The following KIF21A variants were observed in gnomAD, a reference collection of about 807,000 sequenced individuals.
KIF21A encodes kinesin family member 21A.
Under a neutral mutation model 202.9 loss-of-function variants are expected in KIF21A, and 114 were observed. That is an observed-to-expected ratio of 0.56 (90% CI 0.48 to 0.66). The LOEUF is 0.66. Among genes scored for constraint, KIF21A ranks in the 30% least tolerant of loss-of-function variants. The pLI is 0.00. For missense variants in KIF21A, 1,677 were observed against 1,994.9 expected (o/e 0.84, Z 3.04); for synonymous variants, 667 against 670.8 (o/e 0.99, Z 0.09).
intron 37 of KIF21A, among the ~76,000 whole-genome samples, chr12:39,296,731 G>A (rs1344490825): frequency 6.6e-6 from 1 of 152,198 alleles, no homozygotes; most frequent in East Asian, 1.9e-4. Flanking sequence ...TCAAGGACCA[G>A]CAAAGAGGTT....
Position 39,303,091 on chromosome 12 carries a change from G to A in KIF21A, c.4605C>T (p.Thr1535=). The change falls in exon 36 of 38, where the codon ACC becomes ACT. Residue 1535 remains threonine, a synonymous_variant. Coordinates refer to ENST00000361418, the MANE Select transcript of KIF21A (RefSeq NM_001173464.2). ...TEGALGTVSP[T]HNFEPPHYDG... is the part of the protein sequence containing the mutation. ...CATAATGAGGGGGTTCAAAATTGTG[G>A]GTGGGACTCACAGTCCCAAGAGCTC... 1.2e-6 allele frequency: 2 copies of A among 1,613,744 alleles called. No individual in the cohort carries two copies. The highest frequency in any genetic ancestry group is 1.7e-6 in the Non-Finnish European group (2 of 1,179,746).
chr12:39,311,395 T>C (rs751379233), intron 32 of KIF21A, 22 bp downstream of exon 32: 2 of 1,605,978 alleles, frequency 1.2e-6, no homozygotes, highest in South Asian at 2.2e-5. Context: ...ATTAAATATC[T>C]GCATTAGATA....
At chr12:39,400,465 T>G (rs1592556500) in intron 1 of KIF21A, among the ~76,000 whole-genome samples, 1 of 151,942 alleles carries the variant, frequency 6.6e-6, no homozygotes, top group East Asian at 1.9e-4. Context: ...CAGGCCCCAG[T>G]GTGTGTTGTT....
intron 35 of KIF21A, among the ~76,000 whole-genome samples, chr12:39,303,868 T>A (rs1304913240): frequency 1.3e-5 from 2 of 152,198 alleles, no homozygotes; most frequent in Non-Finnish European, 2.9e-5. Context: ...AAGGCTAGTG[T>A]CATAAAAAAT....
chr12:39,395,229 T>C (rs1248382399), intron 1 of KIF21A, among the ~76,000 whole-genome samples: 3 of 152,222 alleles, frequency 2.0e-5, no homozygotes, highest in Non-Finnish European at 2.9e-5. Context: ...AATTTTCCTA[T>C]TTAAATCTCT....
At chr12:39,405,571 A>G (rs1315839804) in intron 1 of KIF21A, among the ~76,000 whole-genome samples, 1 of 152,180 alleles carries the variant, frequency 6.6e-6, no homozygotes, top group Non-Finnish European at 1.5e-5. Flanking sequence ...TTAACTAGTA[A>G]AAGTCAAATA....
rs532022000 is a variant in KIF21A, at chr12:39,442,332, C to A, written c.44+595G>T. On this transcript the variant is annotated intron_variant, in intron 1 of 37. Coordinates refer to ENST00000361418, the MANE Select transcript of KIF21A (RefSeq NM_001173464.2). This position sits in a 1 kb window ranked among gnomAD's most constrained non-coding sequence, Gnocchi z 5.0. The stretch of plus-strand genomic sequence containing the variant: ...AACACCCAAGAGGCTAGATCTGTCT[C>A]CTCTACCCACACGCGGGGGCATGTC... Among the ~76,000 whole-genome samples the A allele has an allele frequency of 6.6e-6, 1 of 152,138 alleles. No homozygotes were observed. Among genetic ancestry groups the A allele is most frequent in the Non-Finnish European group, 1.5e-5 (1 of 68,024 alleles).
At chr12:39,351,531 A>T (rs1193802410) in intron 11 of KIF21A, among the ~76,000 whole-genome samples, 2 of 152,094 alleles carry the variant, frequency 1.3e-5, no homozygotes, top group Non-Finnish European at 2.9e-5. Context: ...ATAATTTATA[A>T]TAGTAATTTT....
chr12:39,412,561 C>A (rs991527099), intron 1 of KIF21A, among the ~76,000 whole-genome samples: 1 of 151,932 alleles, frequency 6.6e-6, no homozygotes, highest in African/African-American at 2.4e-5. Flanking sequence ...TACAAAAATA[C>A]AAAAATTACC....
At chr12:39,430,408 A>T (rs1401379122) in intron 1 of KIF21A, among the ~76,000 whole-genome samples, 1 of 151,870 alleles carries the variant, frequency 6.6e-6, no homozygotes, top group Non-Finnish European at 1.5e-5. Context: ...TCTACTAAAA[A>T]TATAAAAATT....
chr12:39,401,339 G>T (rs1286666755), intron 1 of KIF21A, among the ~76,000 whole-genome samples: 4 of 152,104 alleles, frequency 2.6e-5, no homozygotes, highest in Non-Finnish European at 5.9e-5. Context: ...TTGTTTCCGG[G>T]TCAAAAGCAA....
At chr12:39,302,897 A>G (rs1174804964) in intron 36 of KIF21A, 68 bp downstream of exon 36, 22 of 1,327,872 alleles carry the variant, frequency 1.7e-5, no homozygotes, top group Admixed American at 5.0e-5. Context: ...AAGCTCTTCA[A>G]GTTCTTCTAC....
rs869082505 is a variant in KIF21A at position 39,332,481 on chromosome 12, AC to A, written c.2857-74del. The A allele has an allele frequency of 8.0e-5, 40 of 502,964 alleles. 1 individual carries two copies. Among genetic ancestry groups the A allele is most frequent in the South Asian group, 3.5e-4 (18 of 51,040 alleles). 31.2% of individuals were successfully genotyped at this position (502,964 alleles called of 1,614,324 possible). ...ATATACAGTACCATCAAACCCCCCC[AC>A]CCCCCAAAAAAAACTTGGTAAGTGT... is the stretch of plus-strand genomic sequence containing the variant. On this transcript the variant is annotated intron_variant, in intron 20 of 37. Coordinates refer to ENST00000361418, the MANE Select transcript of KIF21A (RefSeq NM_001173464.2).
chr12:39,437,953 G>C (rs1384985617), intron 1 of KIF21A, among the ~76,000 whole-genome samples: 1 of 152,062 alleles, frequency 6.6e-6, no homozygotes, highest in Non-Finnish European at 1.5e-5. Flanking sequence ...TGTATATCTA[G>C]AGTTTCAACT....
intron 7 of KIF21A, among the ~76,000 whole-genome samples, chr12:39,360,193 G>T (rs1393544427): frequency 6.6e-6 from 1 of 151,404 alleles, no homozygotes; most frequent in Non-Finnish European, 1.5e-5. Flanking sequence ...AAAACTCAAA[G>T]AAAATAAAAT....
At chr12:39,334,035 C>T (rs1156291594) in intron 17 of KIF21A, among the ~76,000 whole-genome samples, 1 of 151,624 alleles carries the variant, frequency 6.6e-6, no homozygotes, top group Non-Finnish European at 1.5e-5. Context: ...AACCCTGTCT[C>T]TACTAAAAAT....
intron 33 of KIF21A, among the ~76,000 whole-genome samples, chr12:39,308,635 T>G (rs1943707948): frequency 6.6e-6 from 1 of 152,210 alleles, no homozygotes; most frequent in African/African-American, 2.4e-5. Context: ...TTTCTTCAGA[T>G]AAATTCTAGG....
intron 6 of KIF21A, among the ~76,000 whole-genome samples, 196 bp downstream of exon 6, chr12:39,366,154 C>A (rs1293344945): frequency 2.0e-5 from 3 of 151,994 alleles, no homozygotes; most frequent in Non-Finnish European, 4.4e-5. Context: ...TGAAGAAAAT[C>A]TGTAATATAT....
chr12:39,312,876 T>C (rs993154015), intron 31 of KIF21A: 1 of 151,924 alleles, frequency 6.6e-6, no homozygotes, highest in African/African-American at 2.4e-5. Context: ...AATTAAGACA[T>C]GACAAACAGT....
Sources: allele counts gnomAD v4.1 joint callset (sites outside exome capture counted in the v4.1 genomes callset), GRCh38; gene constraint gnomAD v4.1.1; non-coding constraint Gnocchi (gnomAD v3.1); transcripts MANE v1.5; gene names NCBI Gene and HGNC (gene_info 2026-07-23, HGNC 2026-07-21).